Variants in SHLD1 observed in about 807,000 individuals in gnomAD.
SHLD1 encodes the protein shieldin complex subunit 1.
SHLD1 carries 3 observed loss-of-function variants against 5.5 expected under a neutral mutation model. That is an observed-to-expected ratio of 0.54 (90% CI 0.25 to 1.40). The LOEUF is 1.40. Among genes scored for constraint, SHLD1 ranks in the 40% most tolerant of loss-of-function variants. The pLI is 0.15. For synonymous variants in SHLD1, 92 were observed against 94.3 expected (o/e 0.98, Z 0.14); for missense variants, 210 against 244.4 (o/e 0.86, Z 0.94).
At chr20:5,822,954 T>TCC (rs1185380223) in intron 2 of SHLD1, among the ~76,000 whole-genome samples, 3 of 151,942 alleles carry the variant, frequency 2.0e-5, no homozygotes, top group African/African-American at 7.3e-5. Context: ...CTTCCCGATT[T>TCC]CTCTCCAACC....
chr20:5,857,942 A>C (rs1222091584), intron 2 of SHLD1, among the ~76,000 whole-genome samples: 1 of 152,136 alleles, frequency 6.6e-6, no homozygotes, highest in Non-Finnish European at 1.5e-5. Flanking sequence ...TACTGAAAAT[A>C]CAAAAAATTA....
chr20:5,825,290 A>G (rs759830249), intron 2 of SHLD1, among the ~76,000 whole-genome samples: 4 of 152,232 alleles, frequency 2.6e-5, no homozygotes, highest in Non-Finnish European at 5.9e-5. Flanking sequence ...GGTCGAGGCC[A>G]GTCAATACAG....
intron 2 of SHLD1, among the ~76,000 whole-genome samples, chr20:5,782,211 T>C (rs992115045): frequency 6.6e-6 from 1 of 152,172 alleles, no homozygotes; most frequent in African/African-American, 2.4e-5. Context: ...GTTTGCTGCT[T>C]GGCTCAAGGG....
chr20:5,853,406 A>C (rs868794217), intron 2 of SHLD1, among the ~76,000 whole-genome samples: 12 of 152,334 alleles, frequency 7.9e-5, no homozygotes, highest in Non-Finnish European at 1.8e-4. Context: ...AGATCGCGCC[A>C]CTGCACTCCA....
chr20:5,857,645 C>T (rs1270108315), intron 2 of SHLD1, among the ~76,000 whole-genome samples: 1 of 151,464 alleles, frequency 6.6e-6, no homozygotes, highest in African/African-American at 2.4e-5. Flanking sequence ...CCCGTCTCTA[C>T]AAAAAATAGA....
intron 2 of SHLD1, among the ~76,000 whole-genome samples, chr20:5,805,442 A>AC (rs554301187): frequency 1.3e-3 from 201 of 151,104 alleles, no homozygotes; most frequent in African/African-American, 4.6e-3. Flanking sequence ...CAGGCGTGAG[A>AC]CCCCTAATCC....
At chr20:5,818,374 C>T (rs1947549641) in intron 2 of SHLD1, among the ~76,000 whole-genome samples, 1 of 152,164 alleles carries the variant, frequency 6.6e-6, no homozygotes, top group Non-Finnish European at 1.5e-5. Flanking sequence ...CTGCACCAGG[C>T]CATTTTGTCC....
chr20:5,807,986 A>G (rs889397228), intron 2 of SHLD1, among the ~76,000 whole-genome samples: 2 of 152,212 alleles, frequency 1.3e-5, no homozygotes, highest in Non-Finnish European at 2.9e-5. Flanking sequence ...AAAAGAGTAT[A>G]AAATGAAATG....
At chr20:5,854,592 C>T (rs1168412688) in intron 2 of SHLD1, among the ~76,000 whole-genome samples, 1 of 152,060 alleles carries the variant, frequency 6.6e-6, no homozygotes, top group Non-Finnish European at 1.5e-5. Context: ...TTGTAAGAAA[C>T]GTAAGGCAGG....
chr20:5,844,793 A>ATTTTTTT (rs1167953728), intron 2 of SHLD1, among the ~76,000 whole-genome samples: 1 of 96,196 alleles, frequency 1.0e-5, no homozygotes, highest in African/African-American at 7.0e-5. Flanking sequence ...ATATATATAT[A>ATTTTTTT]TATATATTTT....
intron 2 of SHLD1, among the ~76,000 whole-genome samples, chr20:5,787,085 T>A (rs78394524): frequency 0.01 from 1,531 of 152,356 alleles, 24 homozygotes; most frequent in African/African-American, 0.035. Flanking sequence ...CTTCAGTGCA[T>A]ACACATTAAA....
chr20:5,772,760 TAAAAATAAAAAA>T, intron 1 of SHLD1, 90 bp from the exon 2 acceptor site: 1 of 1,174,224 alleles, frequency 8.5e-7, no homozygotes, highest in Non-Finnish European at 1.2e-6. Context: ...AAAATAAAAA[TAAAAATAAAAAA>T]CAAATAAAAT....
intron 2 of SHLD1, 122 bp downstream of exon 2, chr20:5,773,165 G>GAAAAAC: frequency 8.8e-7 from 1 of 1,131,534 alleles, no homozygotes; most frequent in Non-Finnish European, 1.3e-6. Context: ...GTCTTAGGCA[G>GAAAAAC]AAAAACATCT....
Position 5,844,262 on chromosome 20 carries a change from T to A in SHLD1, c.179-18762T>A, listed in dbSNP as rs574949224. 2.6e-5 allele frequency among the ~76,000 whole-genome samples: 4 copies of A among 152,308 alleles called. No individual in the cohort carries two copies. In the South Asian group the frequency reaches 8.3e-4, roughly 32 times the overall value. On this transcript the variant is annotated intron_variant, in intron 2 of 2. Coordinates refer to ENST00000303142, the MANE Select transcript of SHLD1 (RefSeq NM_152504.4). The stretch of plus-strand genomic sequence containing the variant: ...AGATCTTCTCTGCCTATTTTCACAA[T>A]TTTTTGTTTTATTTTTAATGCTGCC...
chr20:5,803,636 C>T lies in SHLD1; in HGVS notation c.178+30593C>T, dbSNP rs577518517. On this transcript the variant is annotated intron_variant, in intron 2 of 2. Coordinates refer to ENST00000303142, the MANE Select transcript of SHLD1 (RefSeq NM_152504.4). Reference sequence around the variant, plus strand: ...CTGTAATCCCAGCACTTCGGGAGGCCGAAGCAGGCAGATCACAAGGTCAAG... The same window carrying T: ...CTGTAATCCCAGCACTTCGGGAGGCTGAAGCAGGCAGATCACAAGGTCAAG... Among the ~76,000 whole-genome samples the T allele has an allele frequency of 1.7e-3, 264 of 151,772 alleles. 1 individual carries two copies. Among genetic ancestry groups the T allele is most frequent in the African/African-American group, 5.9e-3 (243 of 41,368 alleles).
chr20:5,842,580 T>A (rs140712584), intron 2 of SHLD1, among the ~76,000 whole-genome samples: 1 of 152,272 alleles, frequency 6.6e-6, no homozygotes, highest in Non-Finnish European at 1.5e-5. Flanking sequence ...TGTCTCATTG[T>A]GCATTGCCTT....
chr20:5,852,730 G>A lies in SHLD1; in HGVS notation c.179-10294G>A, dbSNP rs149323573. 5.4e-3 allele frequency among the ~76,000 whole-genome samples: 824 copies of A among 152,284 alleles called. 7 individuals are homozygous for A. The highest frequency in any genetic ancestry group is 0.016 in the African/African-American group (662 of 41,568). ...CTCCCAAAGTGCTGGGATTACAGGC[G>A]TGAGCCACTGCATCTGGCCTCAAAT... is the stretch of plus-strand genomic sequence containing the variant. On this transcript the variant is annotated intron_variant, in intron 2 of 2. Transcript: ENST00000303142.
At chr20:5,852,938 G>A (rs1221715322) in intron 2 of SHLD1, among the ~76,000 whole-genome samples, 3 of 152,130 alleles carry the variant, frequency 2.0e-5, no homozygotes, top group African/African-American at 7.2e-5. Context: ...TTCAGAAGTG[G>A]TTACCTTTGT....
At chr20:5,804,203 A>G (rs1411009351) in intron 2 of SHLD1, among the ~76,000 whole-genome samples, 2 of 152,046 alleles carry the variant, frequency 1.3e-5, no homozygotes, top group South Asian at 2.1e-4. Context: ...AATCCTAGCT[A>G]CTTAGGAGGC....
Sources: gnomAD v4.1 joint callset for allele counts (sites outside exome capture counted in the v4.1 genomes callset) on GRCh38, gnomAD v4.1.1 for gene constraint, MANE v1.5 for transcripts, NCBI Gene and HGNC (gene_info 2026-07-23, HGNC 2026-07-21) for gene names.